The following OR11H4 variants were observed in gnomAD, a reference collection of about 807,000 sequenced individuals.
The protein encoded by OR11H4 is olfactory receptor 11H4.
For missense variants in OR11H4, 460 were observed against 371.1 expected (o/e 1.24, Z -1.97); for synonymous variants, 162 against 142.3 (o/e 1.14, Z -0.98).
intron 1 of OR11H4, among the ~76,000 whole-genome samples, chr14:20,242,328 T>A (rs11159554): frequency 0.58 from 88,751 of 151,892 alleles, 29,196 homozygotes; most frequent in Non-Finnish European, 0.77. Flanking sequence ...GTATACTGCT[T>A]GTAAACATTT....
chr14:20,239,442 C>T (rs953320861), intron 1 of OR11H4, 111 bp downstream of exon 1: 2 of 152,464 alleles, frequency 1.3e-5, no homozygotes, highest in Non-Finnish European at 2.9e-5. Context: ...TGCCTGTAAT[C>T]CCACCACTTT....
At chr14:20,241,781 G>A (rs1419512553) in intron 1 of OR11H4, among the ~76,000 whole-genome samples, 1 of 152,072 alleles carries the variant, frequency 6.6e-6, no homozygotes, top group Non-Finnish European at 1.5e-5. Flanking sequence ...TGTAGTAGGA[G>A]AGCACGGTGA....
rs202021837 is a variant in OR11H4 at position 20,243,168 on chromosome 14, C to A, written c.347C>A (p.Ala116Glu). The A allele has an allele frequency of 1.9e-6, 3 of 1,614,192 alleles. No individual in the cohort carries two copies. Among genetic ancestry groups the A allele is most frequent in the Admixed American group, 1.7e-5 (1 of 60,012 alleles). The change falls in exon 2 of 2, where the codon GCA becomes GAA. Residue 116 changes from alanine (A) to glutamate (E), a missense_variant. Physicochemically the swap from Ala to Glu is moderately radical, Grantham distance 107. Coordinates refer to ENST00000641082, the MANE Select transcript of OR11H4 (RefSeq NM_001004479.2). The part of the protein sequence containing the change: ...SLGTTECLFL[A>E]VMAYDRYLAI... ...GGAACAACTGAATGTCTCTTTCTGG[C>A]AGTAATGGCTTATGATCGATACCTG...
At position 20,243,819 on chromosome 14, in the gene OR11H4, T is replaced by C. The variant is rs1174478608; in HGVS notation, c.*53T>C. The stretch of plus-strand genomic sequence containing the variant: ...CTAACGAAGAACAAGGTCGAGATGT[T>C]GTCAGTTCTTTAGCAGTCTTTCAGT... On this transcript the variant is annotated 3_prime_UTR_variant, in exon 2 of 2. Transcript: ENST00000641082. 3 of 1,516,202 alleles carry C rather than the reference T, an allele frequency of 2.0e-6. No homozygotes were observed. The Admixed American group carries it at 6.5e-5, about 33-fold the overall frequency. The allele number at this position is 1,516,202 out of a possible 1,614,324, so 93.9% of individuals were successfully genotyped here.
Sources: gnomAD v4.1 joint callset for allele counts (sites outside exome capture counted in the v4.1 genomes callset) on GRCh38, gnomAD v4.1.1 for gene constraint, MANE v1.5 for transcripts, NCBI Gene and HGNC (gene_info 2026-07-23, HGNC 2026-07-21) for gene names.